Variants in CYP4F8 observed in about 807,000 individuals in gnomAD.
CYP4F8 encodes the protein cytochrome P450 4F8.
In CYP4F8, 56 loss-of-function variants were observed where a neutral mutation model predicts 55.0. The ratio of observed to expected loss-of-function variants is 1.02; its 90% CI spans 0.82 to 1.27. The LOEUF is 1.27. Among genes scored for constraint, CYP4F8 ranks in the 50% most tolerant of loss-of-function variants. The pLI is 0.00. For missense variants in CYP4F8, 680 were observed against 682.4 expected (o/e 1.00, Z 0.04); for synonymous variants, 288 against 267.3 (o/e 1.08, Z -0.76).
At chr19:15,618,498 A>G (rs531990371) in intron 3 of CYP4F8, 2 of 381,492 alleles carry the variant, frequency 5.2e-6, no homozygotes, top group Non-Finnish European at 1.0e-5. Flanking sequence ...GCTGTGACAG[A>G]GCATAGGAGA....
At chr19:15,622,162 C>T (rs1972201858) in intron 5 of CYP4F8, 57 bp from the exon 6 acceptor site, 3 of 1,566,922 alleles carry the variant, frequency 1.9e-6, no homozygotes, top group Non-Finnish European at 2.6e-6. Context: ...GTTGGGGTTG[C>T]AGGGGGACTC....
At chr19:15,617,692 G>T (rs1279564244) in intron 2 of CYP4F8, among the ~76,000 whole-genome samples, 1 of 152,124 alleles carries the variant, frequency 6.6e-6, no homozygotes, top group East Asian at 1.9e-4. Flanking sequence ...TTCCGTCTGG[G>T]TCCAAAGCCC....
chr19:15,617,975 G>A (rs763206157), intron 2 of CYP4F8, 25 bp from the exon 3 acceptor site: 5 of 1,610,454 alleles, frequency 3.1e-6, no homozygotes, highest in Non-Finnish European at 2.5e-6. Context: ...GACACAGGAG[G>A]TGATGGCCCT....
chr19:15,621,816 C>A, intron 5 of CYP4F8: 1 of 164,576 alleles, frequency 6.1e-6, no homozygotes. Context: ...AATGGTGAAA[C>A]TGAGGGCCAG....
At chr19:15,627,840 C>T (rs928598085) in intron 9 of CYP4F8, 2 of 160,590 alleles carry the variant, frequency 1.2e-5, no homozygotes, top group African/African-American at 4.8e-5. Flanking sequence ...CTCACTGCAA[C>T]CTCTGCCTCT....
At chr19:15,625,727 T>G (rs964136430) in intron 9 of CYP4F8, among the ~76,000 whole-genome samples, 2 of 152,150 alleles carry the variant, frequency 1.3e-5, no homozygotes, top group Non-Finnish European at 2.9e-5. Flanking sequence ...ATTAATAAAT[T>G]TTTTGGACCT....
rs1972319217 is a variant in CYP4F8, at chr19:15,630,303, G to A, written c.*945G>A. 6.6e-6 allele frequency: 1 copy of A among 152,122 alleles called. No individual in the cohort carries two copies. Among genetic ancestry groups the A allele is most frequent in the Non-Finnish European group, 1.5e-5 (1 of 68,036 alleles). 9.4% of individuals were successfully genotyped at this position (152,122 alleles called of 1,614,324 possible). ...ATAGTATCTAATAGGCAGTTTTTCA[G>A]CTTTTCCCCCTCCCTGCTTCCCCTG... is the stretch of plus-strand genomic sequence containing the variant. On this transcript the variant is annotated 3_prime_UTR_variant, in exon 13 of 13. Transcript: ENST00000612078.
rs768693886 is a variant in CYP4F8, at chr19:15,628,776, C to G, written c.1330C>G (p.Arg444Gly). ...TCCACCCCAGGTCTATGACCCCTTC[C>G]GCTTCGACCCAGAAAACGCCCAGAA... Reference protein sequence around the residue: ...WPDPEVYDPFRFDPENAQKRS... With the variant: ...WPDPEVYDPFGFDPENAQKRS... The change falls in exon 12 of 13, where the codon CGC becomes GGC. Residue 444 changes from arginine (R) to glycine (G), a missense_variant. Transcript: ENST00000612078. The G allele has an allele frequency of 3.1e-6, 5 of 1,612,274 alleles. No individual in the cohort carries two copies. The highest frequency in any genetic ancestry group is 4.2e-6 in the Non-Finnish European group (5 of 1,179,436).
intron 6 of CYP4F8, among the ~76,000 whole-genome samples, chr19:15,622,593 A>C (rs1972208985): frequency 6.6e-6 from 1 of 151,750 alleles, no homozygotes; most frequent in African/African-American, 2.4e-5. Flanking sequence ...GTTGGGAGAC[A>C]CTTGGAAATG....
At chr19:15,622,680 G>T (rs1044938370) in intron 6 of CYP4F8, 2 of 364,990 alleles carry the variant, frequency 5.5e-6, no homozygotes, top group Non-Finnish European at 5.1e-6. Context: ...TTTTATCCAA[G>T]GTTCCTAAGG....
Position 15,629,449 on chromosome 19 carries a change from C to G in CYP4F8, c.*91C>G. On this transcript the variant is annotated 3_prime_UTR_variant, in exon 13 of 13. Transcript: ENST00000612078. ...TTCCGGTAATAAATCTGTGTTGGCC[C>G]CTGTGCCTCAGTCCCGCGGATGGCC... The G allele has an allele frequency of 6.9e-7, 1 of 1,447,522 alleles. No individual in the cohort carries two copies. Among genetic ancestry groups the G allele is most frequent in the Non-Finnish European group, 9.1e-7 (1 of 1,096,616 alleles). The allele number at this position is 1,447,522 out of a possible 1,614,324, so 89.7% of individuals were successfully genotyped here.
At chr19:15,623,514 ATTT>A in intron 7 of CYP4F8, 139 bp downstream of exon 7, 2 of 1,297,934 alleles carry the variant, frequency 1.5e-6, no homozygotes, top group Non-Finnish European at 1.0e-6. Flanking sequence ...AGTCAGATAA[ATTT>A]TAGAGGTGAT....
rs1356769517 is a variant in CYP4F8, at chr19:15,619,504, A to G, written c.358A>G (p.Lys120Glu). The G allele has an allele frequency of 1.2e-6, 2 of 1,614,068 alleles. No individual in the cohort carries two copies. Among genetic ancestry groups the G allele is most frequent in the Non-Finnish European group, 1.7e-6 (2 of 1,180,020 alleles). The change falls in exon 4 of 13, where the codon AAG (lysine) becomes GAG (glutamate). Residue 120 changes from lysine (K) to glutamate (E), a missense_variant. Physicochemically the swap from Lys to Glu is moderately conservative, Grantham distance 56. Transcript: ENST00000612078. Reference protein sequence around the residue: ...VINTSDAITDKDIVFYKTLKP... With the variant: ...VINTSDAITDEDIVFYKTLKP... ...ATTCATGTCAGATGCCATTACAGACAAGGACATAGTCTTCTACAAGACCCT... is the reference window on the plus strand; with the variant it reads ...ATTCATGTCAGATGCCATTACAGACGAGGACATAGTCTTCTACAAGACCCT...
chr19:15,623,319 C>A lies in CYP4F8; in HGVS notation c.862C>A (p.Gln288Lys), dbSNP rs374934042. The A allele has an allele frequency of 2.4e-5, 38 of 1,614,046 alleles. No individual in the cohort carries two copies. In the African/African-American group the frequency reaches 4.9e-4, roughly 21 times the overall value. ...TAGCCAGGGTGTTGATGACTTCCTC[C>A]AAGCCAAGGCCAAGTCCAAGACTTT... Reference protein sequence around the residue: ...LTSQGVDDFLQAKAKSKTLDF... With the variant: ...LTSQGVDDFLKAKAKSKTLDF... Residue 288 changes from glutamine to lysine, a missense_variant, in exon 7 of 13, where the codon CAA becomes AAA. Coordinates refer to ENST00000612078, the MANE Select transcript of CYP4F8 (RefSeq NM_007253.4).
intron 2 of CYP4F8, among the ~76,000 whole-genome samples, chr19:15,616,994 T>G (rs1178582829): frequency 6.6e-6 from 1 of 152,158 alleles, no homozygotes; most frequent in Non-Finnish European, 1.5e-5. Context: ...GAGCCACCTC[T>G]TCTCCCCTGG....
chr19:15,619,817 T>G (rs1014888883), intron 5 of CYP4F8, 55 bp downstream of exon 5: 2 of 1,594,272 alleles, frequency 1.3e-6, no homozygotes, highest in African/African-American at 2.7e-5. Flanking sequence ...AGGGATCACA[T>G]ACAATTGGGT....
intron 5 of CYP4F8, 117 bp from the exon 6 acceptor site, chr19:15,622,102 G>GTTT: frequency 7.3e-7 from 1 of 1,367,918 alleles, no homozygotes; most frequent in Non-Finnish European, 9.8e-7. Context: ...GAGGATGGGG[G>GTTT]TCTGGGACAG....
chr19:15,623,578 G>A (rs376420821), intron 7 of CYP4F8, 121 bp from the exon 8 acceptor site: 17 of 999,560 alleles, frequency 1.7e-5, no homozygotes, highest in Admixed American at 3.0e-5. Flanking sequence ...AAGGAAGCAT[G>A]TGGGGGTAGA....
At chr19:15,627,089 A>T (rs8107923) in intron 9 of CYP4F8, 137,125 of 151,934 alleles carry the variant, frequency 0.9, 61,925 homozygotes, top group Admixed American at 0.95. Context: ...CAGTTTTTTT[A>T]AAATTATTTT....
Sources: gnomAD v4.1 joint callset for allele counts (sites outside exome capture counted in the v4.1 genomes callset) on GRCh38, gnomAD v4.1.1 for gene constraint, MANE v1.5 for transcripts, NCBI Gene and HGNC (gene_info 2026-07-23, HGNC 2026-07-21) for gene names.